The following ARVCF variants were observed in gnomAD, a reference collection of about 807,000 sequenced individuals.
ARVCF encodes the protein ARVCF delta catenin family member.
Under a neutral mutation model 90.9 loss-of-function variants are expected in ARVCF, and 66 were observed. That is an observed-to-expected ratio of 0.73 (90% CI 0.60 to 0.89). The LOEUF (loss-of-function observed/expected upper bound fraction) is 0.89, where lower values mean the gene tolerates loss of function less well. Ranked by LOEUF, ARVCF falls within the 40% of genes least tolerant of loss-of-function variation. The pLI is 0.00. For synonymous variants in ARVCF, 653 were observed against 603.4 expected (o/e 1.08, Z -1.21); for missense variants, 1,469 against 1,382.3 (o/e 1.06, Z -1.00).
rs974868547 is a variant in ARVCF, at chr22:19,972,511, C to G, written c.2642-100G>C. Reference sequence around the variant, plus strand: ...TGGCCCAGGTAGCCCTAGAGGCTCTCTGTCACTAAGGTGCCCAACCTCTGC... The same window carrying G: ...TGGCCCAGGTAGCCCTAGAGGCTCTGTGTCACTAAGGTGCCCAACCTCTGC... On this transcript the variant is annotated intron_variant, in intron 16 of 19. Transcript: ENST00000263207. The G allele has an allele frequency of 2.0e-6, 3 of 1,467,002 alleles. No homozygotes were observed. In the African/African-American group the frequency reaches 4.2e-5, roughly 20 times the overall value. 90.9% of individuals were successfully genotyped at this position (1,467,002 alleles called of 1,614,324 possible). A position where few individuals can be genotyped will look rare whatever the true frequency, so the allele number is the denominator to read the frequency against.
Position 19,971,282 on chromosome 22 carries a change from CCTGACCGCG to C in ARVCF, c.2826_2834del (p.Ala943_Arg945del), listed in dbSNP as rs1942760819. ...TAGCGTCCCCTACGGCGTCCACCAG[CCTGACCGCG>C]GGCCTGCTGGGCCCGGGGGGAGGGG... On this transcript the variant is annotated inframe_deletion, in exon 19 of 20. Coordinates refer to ENST00000263207, the MANE Select transcript of ARVCF (RefSeq NM_001670.3). The C allele has an allele frequency of 6.4e-7, 1 of 1,557,202 alleles. No individual in the cohort carries two copies. Among genetic ancestry groups the C allele is most frequent in the Non-Finnish European group, 8.7e-7 (1 of 1,149,826 alleles).
chr22:19,972,817 GC>G lies in ARVCF; in HGVS notation c.2560del (p.Ala854LeufsTer10). ...WTKARFQSAA[A>X]TAKGPKGALS... ...TGCTCCCTTAGGCCCCTTGGCAGTA[GC>G]AGCAGCTGACTGAGACATAAAACAC... On this transcript the variant is annotated frameshift_variant, in exon 16 of 20. Coordinates refer to ENST00000263207, the MANE Select transcript of ARVCF (RefSeq NM_001670.3). LOFTEE classifies it high-confidence loss of function. 1 of 1,613,584 alleles carries G rather than the reference GC, an allele frequency of 6.2e-7. No individual in the cohort carries two copies. The highest frequency in any genetic ancestry group is 8.5e-7 in the Non-Finnish European group (1 of 1,179,766).
At chr22:19,974,048 C>T in intron 12 of ARVCF, 64 bp downstream of exon 12, 5 of 1,556,688 alleles carry the variant, frequency 3.2e-6, no homozygotes, top group Non-Finnish European at 3.5e-6. Context: ...AGGAGCTGCA[C>T]CAGTGAGGTG....
chr22:19,988,338 G>A (rs537444861), intron 3 of ARVCF, among the ~76,000 whole-genome samples: 19 of 152,328 alleles, frequency 1.2e-4, no homozygotes, highest in Admixed American at 7.8e-4. Context: ...GGAGCAGAGC[G>A]CAGAAGACCA....
chr22:19,965,715 G>C (rs1942355744), downstream of ARVCF: 1 of 152,288 alleles, frequency 6.6e-6, no homozygotes, highest in African/African-American at 2.4e-5. Context: ...GTGGAGTGTG[G>C]AGAGGGCTGT....
Position 19,972,341 on chromosome 22 carries a change from A to G in ARVCF, c.2695+17T>C, listed in dbSNP as rs1942859076. On this transcript the variant is annotated intron_variant, in intron 17 of 19. Transcript: ENST00000263207. ...CCTCCCGGCACAGAAAACCAACCAC[A>G]CTGCATCTGCACTCACCTGGGCCCA... 7 of 1,613,520 alleles carry G rather than the reference A, an allele frequency of 4.3e-6. No homozygotes were observed. Among genetic ancestry groups the G allele is most frequent in the Non-Finnish European group, 5.9e-6 (7 of 1,179,894 alleles).
At chr22:19,973,855 G>A (rs1942995006) in intron 12 of ARVCF, 62 bp from the exon 13 acceptor site, 9 of 1,556,884 alleles carry the variant, frequency 5.8e-6, no homozygotes, top group Non-Finnish European at 6.9e-6. Context: ...ACCTCCAGAC[G>A]CTGACCGCTC....
intron 1 of ARVCF, among the ~76,000 whole-genome samples, chr22:20,011,870 T>A (rs937971160): frequency 6.6e-6 from 1 of 151,994 alleles, no homozygotes; most frequent in African/African-American, 2.4e-5. Flanking sequence ...TTTTTTTTTT[T>A]ATCCCTGATA....
chr22:19,981,972 G>T lies in ARVCF; in HGVS notation c.330C>A (p.Val110=), dbSNP rs33992092. ...GCCGGGTTGTGCCATCTTCGGATGT[G>T]ACAATAGACACATGGGAAGTGGGTG... ...PGTPTSHVSI[V]TSEDGTTRRT... is the part of the protein sequence containing the mutation. Residue 110 remains valine (V), a synonymous_variant, in exon 4 of 20, where the codon GTC becomes GTA. Coordinates refer to ENST00000263207, the MANE Select transcript of ARVCF (RefSeq NM_001670.3). 6.4e-3 allele frequency: 10,346 copies of T among 1,613,206 alleles called. 166 individuals are homozygous for T. The highest frequency in any genetic ancestry group is 0.053 in the African/African-American group (4,008 of 75,018).
In ARVCF at chr22:20,002,803, ATTGATTTTTT is replaced by A. The variant is rs1470020090; in HGVS notation, c.-19+7642_-19+7651del. Among the ~76,000 whole-genome samples the A allele has an allele frequency of 3.3e-5, 5 of 152,288 alleles. No homozygotes were observed. The East Asian group carries it at 9.7e-4, about 29-fold the overall frequency. On this transcript the variant is annotated intron_variant, in intron 2 of 19. Coordinates refer to ENST00000263207, the MANE Select transcript of ARVCF (RefSeq NM_001670.3). Reference sequence around the variant, plus strand: ...GGAATAGCAGCTGCTGATGTGTGGAATTGATTTTTTCAGCAAGGGCCTGCGATTCTGAATG... The same window carrying A: ...GGAATAGCAGCTGCTGATGTGTGGAACAGCAAGGGCCTGCGATTCTGAATG...
intron 1 of ARVCF, among the ~76,000 whole-genome samples, chr22:20,016,347 G>C (rs1945151776): frequency 3.3e-5 from 5 of 152,138 alleles, no homozygotes; most frequent in Admixed American, 3.3e-4. Context: ...CGCACAAAGA[G>C]ACCCGCCCCC....
At chr22:19,977,180 T>C (rs774561812) in intron 9 of ARVCF, among the ~76,000 whole-genome samples, 20 of 152,314 alleles carry the variant, frequency 1.3e-4, no homozygotes, top group Middle Eastern at 3.4e-3. Context: ...TTGGTTTCCC[T>C]TGTGTACTCC....
At chr22:19,992,567 T>C (rs575256774) in intron 2 of ARVCF, among the ~76,000 whole-genome samples, 1 of 152,230 alleles carries the variant, frequency 6.6e-6, no homozygotes, top group African/African-American at 2.4e-5. Flanking sequence ...CCAGGGCGGA[T>C]GGCAGGGCCC....
At chr22:20,010,774 T>C (rs1944798063) in intron 1 of ARVCF, among the ~76,000 whole-genome samples, 1 of 152,206 alleles carries the variant, frequency 6.6e-6, no homozygotes. Context: ...AACGTGATCC[T>C]TCAGAGATGT....
chr22:19,966,456 GAA>G (rs1285603462), downstream of ARVCF, among the ~76,000 whole-genome samples: 16 of 107,450 alleles, frequency 1.5e-4, no homozygotes, highest in Non-Finnish European at 2.6e-4. Flanking sequence ...AAAAAAAAAA[GAA>G]AAAGACAGAG....
At chr22:19,968,469 C>G, downstream of ARVCF, 1 of 1,508,306 alleles carries the variant, frequency 6.6e-7, no homozygotes, top group Non-Finnish European at 9.1e-7. Flanking sequence ...AGCACCCATC[C>G]TGGTTTGGGG....
rs1392625142 is a variant in ARVCF at position 19,996,019 on chromosome 22, G to C, written c.-18-5207C>G. Among the ~76,000 whole-genome samples, 3 of 152,192 alleles carry C rather than the reference G, an allele frequency of 2.0e-5. No homozygotes were observed. In the East Asian group the frequency reaches 5.8e-4, roughly 29 times the overall value. ...CTTGTGGGGGCCCCATGTTTACCCTGTTGCCCCTACTGTGGTCAGATGGTG... is the reference window on the plus strand; with the variant it reads ...CTTGTGGGGGCCCCATGTTTACCCTCTTGCCCCTACTGTGGTCAGATGGTG... On this transcript the variant is annotated intron_variant, in intron 2 of 19. Transcript: ENST00000263207.
intron 2 of ARVCF, among the ~76,000 whole-genome samples, chr22:20,002,028 G>T (rs899907831): frequency 1.3e-5 from 2 of 152,124 alleles, no homozygotes; most frequent in Non-Finnish European, 2.9e-5. Context: ...CACATGATAG[G>T]AGTTTCCAGA....
intron 2 of ARVCF, among the ~76,000 whole-genome samples, chr22:20,007,135 A>C (rs1944659450): frequency 6.6e-6 from 1 of 152,100 alleles, no homozygotes; most frequent in Admixed American, 6.5e-5. Flanking sequence ...GCGGTGGCTC[A>C]CACCTGTAAT....
Sources: gnomAD v4.1 joint callset for allele counts (sites outside exome capture counted in the v4.1 genomes callset) on GRCh38, gnomAD v4.1.1 for gene constraint, MANE v1.5 for transcripts, NCBI Gene and HGNC (gene_info 2026-07-23, HGNC 2026-07-21) for gene names.